STPG2: variants seen among roughly 807,000 people sequenced by gnomAD.
The protein encoded by STPG2 is sperm tail PG-rich repeat containing 2.
In STPG2, 56 loss-of-function variants were observed where a neutral mutation model predicts 54.2. The ratio of observed to expected loss-of-function variants is 1.03; its 90% CI spans 0.83 to 1.29. The LOEUF (loss-of-function observed/expected upper bound fraction) is 1.29. Ranked by LOEUF, STPG2 falls within the 50% of genes most tolerant of loss-of-function variation. The pLI is 0.00. For missense variants in STPG2, 596 were observed against 544.9 expected, an observed-to-expected ratio of 1.09 and a Z score of -0.93; for synonymous variants, 200 against 181.8, an observed-to-expected ratio of 1.10 and a Z score of -0.81.
intron 10 of STPG2, among the ~76,000 whole-genome samples, chr4:97,623,532 T>G (rs1734066103): frequency 6.6e-6 from 1 of 152,072 alleles, no homozygotes; most frequent in Non-Finnish European, 1.5e-5. Flanking sequence ...ATTAAAGAAA[T>G]GCAAATCATA....
chr4:97,740,644 C>G (rs1725193777), intron 9 of STPG2, among the ~76,000 whole-genome samples: 1 of 152,032 alleles, frequency 6.6e-6, no homozygotes, highest in South Asian at 2.1e-4. Flanking sequence ...ACCTAGGAAT[C>G]CAACTTACAA....
At chr4:97,928,333 C>T (rs572463144) in intron 8 of STPG2, among the ~76,000 whole-genome samples, 24 of 152,228 alleles carry the variant, frequency 1.6e-4, no homozygotes, top group Non-Finnish European at 2.9e-4. Context: ...CTTTCTAACT[C>T]TTGGAAAAAT....
At chr4:97,729,862 T>G (rs1028069399) in intron 9 of STPG2, among the ~76,000 whole-genome samples, 2 of 152,216 alleles carry the variant, frequency 1.3e-5, no homozygotes, top group Non-Finnish European at 2.9e-5. Context: ...GGGATTTTTT[T>G]GCTTGATTTC....
chr4:97,660,004 C>CTT (rs1274412068), intron 10 of STPG2, among the ~76,000 whole-genome samples: 114 of 140,960 alleles, frequency 8.1e-4, no homozygotes, highest in Middle Eastern at 3.8e-3. Flanking sequence ...ATCTTTCTTT[C>CTT]TTTTTTTTTT....
At chr4:97,737,693 A>C (rs937215075) in intron 9 of STPG2, among the ~76,000 whole-genome samples, 1 of 152,250 alleles carries the variant, frequency 6.6e-6, no homozygotes, top group Non-Finnish European at 1.5e-5. Flanking sequence ...CAAAGCATTC[A>C]AGAAATATGG....
chr4:97,566,982 T>C (rs1472303797), intron 10 of STPG2, among the ~76,000 whole-genome samples: 1 of 151,820 alleles, frequency 6.6e-6, no homozygotes, highest in Non-Finnish European at 1.5e-5. Context: ...TGTATACATA[T>C]GTAACTAACA....
chr4:98,011,386 G>C (rs548040636), intron 5 of STPG2, among the ~76,000 whole-genome samples: 39 of 152,212 alleles, frequency 2.6e-4, no homozygotes, highest in Admixed American at 2.2e-3. Context: ...TTGGTTCCAT[G>C]TCTTTGCTAT....
At chr4:98,054,520 C>T (rs1737424533) in intron 5 of STPG2, among the ~76,000 whole-genome samples, 2 of 152,052 alleles carry the variant, frequency 1.3e-5, no homozygotes, top group South Asian at 4.1e-4. Flanking sequence ...GCTCAAAATT[C>T]TTTGGTAAAT....
At chr4:97,919,387 T>G (rs1418173596) in intron 8 of STPG2, among the ~76,000 whole-genome samples, 1 of 150,396 alleles carries the variant, frequency 6.6e-6, no homozygotes, top group Non-Finnish European at 1.5e-5. Flanking sequence ...CAGTCAAAAG[T>G]TTTTCTTTAA....
At chr4:97,979,123 TAAG>T (rs1230861591) in intron 6 of STPG2, among the ~76,000 whole-genome samples, 6 of 152,092 alleles carry the variant, frequency 3.9e-5, no homozygotes, top group Admixed American at 3.9e-4. Flanking sequence ...ATTAAAACAA[TAAG>T]AAACTCAAAG....
chr4:97,554,076 T>C (rs1156355540), downstream of STPG2, among the ~76,000 whole-genome samples: 1 of 152,230 alleles, frequency 6.6e-6, no homozygotes, highest in African/African-American at 2.4e-5. Context: ...CTGACCTATG[T>C]TTCCATTTCC....
intron 5 of STPG2, among the ~76,000 whole-genome samples, chr4:98,039,326 T>C (rs1224264430): frequency 9.7e-6 from 1 of 102,978 alleles, no homozygotes; most frequent in African/African-American, 3.9e-5. Flanking sequence ...AAATCCCCCG[T>C]GGGAGAAAAA....
intron 8 of STPG2, among the ~76,000 whole-genome samples, chr4:97,868,242 C>T (rs1468370637): frequency 6.6e-6 from 1 of 151,838 alleles, no homozygotes; most frequent in Non-Finnish European, 1.5e-5. Context: ...TCTATCTCTG[C>T]TATTTACTGT....
chr4:97,497,025 C>A (rs1278309802), intron 4 of STPG2, among the ~76,000 whole-genome samples: 1 of 147,646 alleles, frequency 6.8e-6, no homozygotes, highest in Non-Finnish European at 1.5e-5. Flanking sequence ...TTCCTGTGAG[C>A]ATTTTACACA....
intron 10 of STPG2, among the ~76,000 whole-genome samples, chr4:97,654,817 TAAC>T (rs986705754): frequency 4.9e-5 from 7 of 142,274 alleles, no homozygotes; most frequent in South Asian, 2.1e-4. Flanking sequence ...AAATCATAAA[TAAC>T]AATAATCAAA....
At chr4:97,944,552 ACTTT>A (rs1403930684) in intron 7 of STPG2, among the ~76,000 whole-genome samples, 13 of 152,222 alleles carry the variant, frequency 8.5e-5, no homozygotes, top group Admixed American at 3.3e-4. Flanking sequence ...TCCTTGTGAT[ACTTT>A]CTATTTTGTC....
chr4:97,972,173 A>T, intron 7 of STPG2, 107 bp downstream of exon 7: 1 of 717,646 alleles, frequency 1.4e-6, no homozygotes, highest in Non-Finnish European at 2.1e-6. Context: ...CATGGTTATA[A>T]TAACTATTTG....
rs556842304 is a variant in STPG2 at position 97,637,781 on chromosome 4, T to A, written c.1320+74918A>T. Among the ~76,000 whole-genome samples the A allele has an allele frequency of 1.1e-4, 17 of 152,194 alleles. No individual in the cohort carries two copies. In the South Asian group the frequency reaches 3.1e-3, roughly 28 times the overall value. On this transcript the variant is annotated intron_variant, in intron 10 of 10. Transcript: ENST00000295268. ...GAATAAAATACCTAGGAATCCAACTTACAAGGGATGTGAAGGACCTCTTCA... is the reference window on the plus strand; with the variant it reads ...GAATAAAATACCTAGGAATCCAACTAACAAGGGATGTGAAGGACCTCTTCA...
At chr4:97,741,363 G>A (rs1725226864) in intron 9 of STPG2, among the ~76,000 whole-genome samples, 1 of 152,096 alleles carries the variant, frequency 6.6e-6, no homozygotes, top group Non-Finnish European at 1.5e-5. Flanking sequence ...ATTGACAAAT[G>A]GGATCTCATT....
Sources: gnomAD v4.1 joint callset for allele counts (sites outside exome capture counted in the v4.1 genomes callset) on GRCh38, gnomAD v4.1.1 for gene constraint, MANE v1.5 for transcripts, NCBI Gene and HGNC (gene_info 2026-07-23, HGNC 2026-07-21) for gene names.